KBTBD12: variants seen among roughly 807,000 people sequenced by gnomAD.
The protein encoded by KBTBD12 is kelch repeat and BTB domain containing 12.
A neutral mutation model predicts 58.7 loss-of-function variants in KBTBD12; 53 were observed. That is an observed-to-expected ratio of 0.90 (90% CI 0.72 to 1.14). The LOEUF is 1.14. Ranked by LOEUF, KBTBD12 falls within the 50% of genes most tolerant of loss-of-function variation. The pLI, the probability that KBTBD12 is intolerant of heterozygous loss-of-function variation, is 0.00. For missense variants in KBTBD12, 704 were observed against 751.3 expected (o/e 0.94, Z 0.74); for synonymous variants, 236 against 259.8 (o/e 0.91, Z 0.88).
At chr3:127,936,569 T>C (rs1939835601) in intron 4 of KBTBD12, among the ~76,000 whole-genome samples, 1 of 152,186 alleles carries the variant, frequency 6.6e-6, no homozygotes, top group South Asian at 2.1e-4. Flanking sequence ...TAAAAATCAC[T>C]AAATTGTACA....
chr3:127,969,725 C>A (rs953788765), intron 5 of KBTBD12, among the ~76,000 whole-genome samples: 1 of 152,136 alleles, frequency 6.6e-6, no homozygotes, highest in Non-Finnish European at 1.5e-5. Flanking sequence ...AGGAAAGGAT[C>A]CTTTTTTCAA....
At chr3:127,945,376 G>A (rs1226000027) in intron 4 of KBTBD12, among the ~76,000 whole-genome samples, 1 of 150,910 alleles carries the variant, frequency 6.6e-6, no homozygotes, top group Admixed American at 6.6e-5. Context: ...AGTAGAGACA[G>A]GGTTTCACCC....
chr3:127,926,605 G>T (rs751644383), intron 2 of KBTBD12, among the ~76,000 whole-genome samples: 1 of 152,126 alleles, frequency 6.6e-6, no homozygotes, highest in African/African-American at 2.4e-5. Context: ...CAAGCCTCAA[G>T]TAAAGATGTC....
In KBTBD12 at chr3:127,935,790, T is replaced by C. The variant is rs1026415117; in HGVS notation, c.1492+5507T>C. ...GCTAATCAAAAGGCAAAGATTTTCATACTGAATAAGAAATTAAAATCAAAT... is the reference window on the plus strand; with the variant it reads ...GCTAATCAAAAGGCAAAGATTTTCACACTGAATAAGAAATTAAAATCAAAT... On this transcript the variant is annotated intron_variant, in intron 4 of 5. Transcript: ENST00000405109. 1.4e-4 allele frequency among the ~76,000 whole-genome samples: 22 copies of C among 152,152 alleles called. 1 individual carries two copies. The highest frequency in any genetic ancestry group is 1.4e-3 in the Admixed American group (22 of 15,266).
At chr3:127,950,282 A>G (rs1369740661) in intron 4 of KBTBD12, among the ~76,000 whole-genome samples, 1 of 152,148 alleles carries the variant, frequency 6.6e-6, no homozygotes, top group Non-Finnish European at 1.5e-5. Context: ...CAGGGAGGGA[A>G]GTGGGAAGAA....
intron 2 of KBTBD12, among the ~76,000 whole-genome samples, chr3:127,924,876 C>T (rs1939526854): frequency 6.6e-6 from 1 of 152,136 alleles, no homozygotes; most frequent in African/African-American, 2.4e-5. Context: ...ACTGTTTATT[C>T]AGCCCGTATT....
intron 5 of KBTBD12, among the ~76,000 whole-genome samples, chr3:127,977,906 G>A (rs1361950817): frequency 6.6e-6 from 1 of 152,078 alleles, no homozygotes; most frequent in Non-Finnish European, 1.5e-5. Flanking sequence ...TTGCTGGAGT[G>A]TATGTCCAGA....
chr3:127,943,452 A>G (rs79777617), intron 4 of KBTBD12, among the ~76,000 whole-genome samples: 2,517 of 151,850 alleles, frequency 0.017, 27 homozygotes, highest in Non-Finnish European at 0.025. Context: ...TCATATACCT[A>G]TTGGGCATTT....
intron 5 of KBTBD12, among the ~76,000 whole-genome samples, chr3:127,980,850 A>G (rs1374536307): frequency 6.6e-6 from 1 of 152,240 alleles, no homozygotes; most frequent in Non-Finnish European, 1.5e-5. Context: ...TATAAATTTA[A>G]TAAAAATCCA....
intron 5 of KBTBD12, among the ~76,000 whole-genome samples, chr3:127,980,263 G>A (rs1326549966): frequency 6.6e-6 from 1 of 152,208 alleles, no homozygotes; most frequent in African/African-American, 2.4e-5. Context: ...TGAGGTAAGA[G>A]GTCTAACAGA....
At chr3:127,965,163 A>T (rs1168156275) in intron 5 of KBTBD12, among the ~76,000 whole-genome samples, 1 of 152,218 alleles carries the variant, frequency 6.6e-6, no homozygotes. Context: ...ACGTCTAAGG[A>T]TCTAGAAGAC....
chr3:127,938,768 C>T (rs1939880907), intron 4 of KBTBD12, among the ~76,000 whole-genome samples: 1 of 152,084 alleles, frequency 6.6e-6, no homozygotes, highest in African/African-American at 2.4e-5. Flanking sequence ...TACTTTAAAG[C>T]AAAATCGATT....
rs1940949166 is a variant in KBTBD12 at position 127,985,486 on chromosome 3, G to A, written c.*1208G>A. 6.6e-6 allele frequency: 1 copy of A among 152,300 alleles called. No homozygotes were observed. The highest frequency in any genetic ancestry group is 2.4e-5 in the African/African-American group (1 of 41,468). The allele number at this position is 152,300 out of a possible 1,614,324, so 9.4% of individuals were successfully genotyped here. On this transcript the variant is annotated 3_prime_UTR_variant, in exon 6 of 6. Coordinates refer to ENST00000405109, the MANE Select transcript of KBTBD12 (RefSeq NM_207335.4). Reference sequence around the variant, plus strand: ...TCTTCTTCAGCAACTTCTCCAAAGAGTTTCACATTGCACAAGGCTCTTTTG... The same window carrying A: ...TCTTCTTCAGCAACTTCTCCAAAGAATTTCACATTGCACAAGGCTCTTTTG...
chr3:127,945,078 T>A (rs866520386), intron 4 of KBTBD12, among the ~76,000 whole-genome samples: 1 of 151,232 alleles, frequency 6.6e-6, no homozygotes, highest in African/African-American at 2.4e-5. Context: ...GTTGTTGTTG[T>A]TTGTAGAGAT....
intron 5 of KBTBD12, among the ~76,000 whole-genome samples, chr3:127,967,714 G>A (rs1405670906): frequency 2.0e-5 from 3 of 152,266 alleles, no homozygotes; most frequent in Admixed American, 6.5e-5. Flanking sequence ...TTTAAATCAA[G>A]CAAATGTGTA....
chr3:127,974,124 G>A (rs753700097), intron 5 of KBTBD12, among the ~76,000 whole-genome samples: 12 of 152,268 alleles, frequency 7.9e-5, no homozygotes, highest in Non-Finnish European at 1.5e-4. Context: ...AACTGGCATA[G>A]ACAAAATAAA....
Position 127,923,527 on chromosome 3 carries a change from TTA to T in KBTBD12, c.470_471del (p.Tyr157SerfsTer10). 1 of 1,612,174 alleles carries T rather than the reference TTA, an allele frequency of 6.2e-7. No individual in the cohort carries two copies. The highest frequency in any genetic ancestry group is 1.3e-5 in the African/African-American group (1 of 75,046). ...TTTATCTGATCGATCAAAGAAATAT[TTA>T]TATCAGCACTTTGCCGAGGTGAGCT... The part of the protein sequence containing the change: ...EDLSDRSKKY[L>X]YQHFAEVSLH... On this transcript the variant is annotated frameshift_variant, in exon 2 of 6. Transcript: ENST00000405109. LOFTEE classifies it high-confidence loss of function.
At chr3:127,955,882 T>C (rs1940310298) in intron 4 of KBTBD12, among the ~76,000 whole-genome samples, 1 of 152,196 alleles carries the variant, frequency 6.6e-6, no homozygotes, top group South Asian at 2.1e-4. Context: ...TTCTAGGAAG[T>C]TGGATAAAGT....
chr3:127,923,849 ACT>A lies in KBTBD12; in HGVS notation c.793_794del (p.Leu265LysfsTer27). 1 of 1,613,794 alleles carries A rather than the reference ACT, an allele frequency of 6.2e-7. No individual in the cohort carries two copies. Among genetic ancestry groups the A allele is most frequent in the East Asian group, 2.2e-5 (1 of 44,870 alleles). ...AAAGCCATCAAGACACCCCAACAGC[ACT>A]CTCTAAATCTGCGCTATGGTATGGA... is the stretch of plus-strand genomic sequence containing the variant. On this transcript the variant is annotated frameshift_variant, in exon 2 of 6. Transcript: ENST00000405109. LOFTEE classifies it high-confidence loss of function.
Sources: gnomAD v4.1 joint callset for allele counts (sites outside exome capture counted in the v4.1 genomes callset) on GRCh38, gnomAD v4.1.1 for gene constraint, MANE v1.5 for transcripts, NCBI Gene and HGNC (gene_info 2026-07-23, HGNC 2026-07-21) for gene names.